Variants in CES5A observed in about 807,000 individuals in gnomAD.
CES5A encodes the protein carboxylesterase 5A.
Under a neutral mutation model 62.9 loss-of-function variants are expected in CES5A, and 67 were observed. The observed-to-expected ratio is 1.07, with a 90% CI of 0.88 to 1.31. The LOEUF (loss-of-function observed/expected upper bound fraction) is 1.31. CES5A is among the 50% of genes most tolerant of loss of function. CES5A has a pLI of 0.00. For synonymous variants in CES5A, 296 were observed against 280.8 expected (o/e 1.05, Z -0.54); for missense variants, 748 against 708.5 (o/e 1.06, Z -0.63).
chr16:55,930,712 T>C (rs1597154701), intron 2 of CES5A, among the ~76,000 whole-genome samples: 1 of 152,320 alleles, frequency 6.6e-6, no homozygotes, highest in East Asian at 1.9e-4. Context: ...CGGTTGTAAT[T>C]TTACATTGTT....
At chr16:55,889,462 C>G (rs190404520) in intron 1 of CES5A, among the ~76,000 whole-genome samples, 6 of 152,236 alleles carry the variant, frequency 3.9e-5, no homozygotes, top group Admixed American at 3.9e-4. Flanking sequence ...TCACAGAACT[C>G]AAGTCAACAC....
intron 2 of CES5A, among the ~76,000 whole-genome samples, chr16:55,936,738 A>G (rs2034379921): frequency 6.6e-6 from 1 of 152,180 alleles, no homozygotes; most frequent in South Asian, 2.1e-4. Context: ...AATAGTTTTT[A>G]TTTTAGGTGA....
intron 1 of CES5A, among the ~76,000 whole-genome samples, chr16:55,885,390 G>A (rs1423544268): frequency 6.6e-6 from 1 of 152,182 alleles, no homozygotes; most frequent in South Asian, 2.1e-4. Flanking sequence ...GTGCAAAGGA[G>A]CTGACATCAA....
chr16:55,937,365 C>G (rs1482682513), intron 2 of CES5A, among the ~76,000 whole-genome samples: 1 of 152,210 alleles, frequency 6.6e-6, no homozygotes, highest in Non-Finnish European at 1.5e-5. Context: ...AAGGCCTTCT[C>G]AGCACCAACC....
chr16:55,922,654 GCAAA>G (rs1364796855), intron 1 of CES5A, among the ~76,000 whole-genome samples: 3 of 151,742 alleles, frequency 2.0e-5, no homozygotes, highest in Admixed American at 1.3e-4. Flanking sequence ...CAGAAAATCA[GCAAA>G]CACTGGAGTT....
rs149647356 is a variant in CES5A, at chr16:55,866,038, G to A, written c.630C>T (p.Ile210=). The A allele has an allele frequency of 7.9e-5, 127 of 1,614,010 alleles. No individual in the cohort carries two copies. The highest frequency in any genetic ancestry group is 5.7e-4 in the South Asian group (52 of 91,064). The change falls in exon 5 of 13, where the codon ATC becomes ATT. Residue 210 remains isoleucine (I), a synonymous_variant. Transcript: ENST00000290567. ...VAALSWVQKN[I]EFFGGDPSSV... is the part of the protein sequence containing the mutation. ...AGCTGGGGTCCCCACCGAAGAACTCGATGTTCTTCTGGACCCAGGACAGAG... is the reference window on the plus strand; with the variant it reads ...AGCTGGGGTCCCCACCGAAGAACTCAATGTTCTTCTGGACCCAGGACAGAG...
At chr16:55,865,899 C>T (rs1168886368) in intron 5 of CES5A, 64 bp downstream of exon 5, 8 of 1,553,644 alleles carry the variant, frequency 5.1e-6, no homozygotes, top group African/African-American at 1.4e-5. Context: ...ATGTTAGTGA[C>T]TCATCATCAT....
intron 1 of CES5A, among the ~76,000 whole-genome samples, chr16:55,914,879 G>T (rs955431577): frequency 1.3e-5 from 2 of 152,132 alleles, no homozygotes; most frequent in Non-Finnish European, 2.9e-5. Flanking sequence ...TTTTAGTTTT[G>T]ACCCTTGTGC....
At chr16:55,922,841 C>CT (rs1327274876) in intron 1 of CES5A, among the ~76,000 whole-genome samples, 1 of 151,538 alleles carries the variant, frequency 6.6e-6, no homozygotes, top group Non-Finnish European at 1.5e-5. Context: ...TATCAAGTAC[C>CT]TTTTTTGATG....
In CES5A at chr16:55,849,726, A is replaced by C. The variant is rs2033089825; in HGVS notation, c.1321T>G (p.Cys441Gly). 6.2e-7 allele frequency: 1 copy of C among 1,613,884 alleles called. No homozygotes were observed. Among genetic ancestry groups the C allele is most frequent in the African/African-American group, 1.3e-5 (1 of 74,938 alleles). The change falls in exon 11 of 13, where the codon TGC (cysteine) becomes GGC (glycine). Residue 441 changes from cysteine to glycine, a missense_variant. Coordinates refer to ENST00000290567, the MANE Select transcript of CES5A (RefSeq NM_001143685.2). The stretch of plus-strand genomic sequence containing the variant: ...AAAGCTGGCTTCGTGTCTTCAAAGC[A>C]CTGAGGCCGGTGCCGAAACTCATAG... ...YFYEFRHRPQCFEDTKPAFVK... is the reference protein window; with the variant it reads ...YFYEFRHRPQGFEDTKPAFVK...
At chr16:55,854,468 A>G (rs1374367901) in intron 9 of CES5A, among the ~76,000 whole-genome samples, 1 of 149,802 alleles carries the variant, frequency 6.7e-6, no homozygotes, top group African/African-American at 2.4e-5. Flanking sequence ...ATCATCAGAC[A>G]GCTGCAACTC....
At chr16:55,898,606 A>G (rs1349457412) in intron 1 of CES5A, among the ~76,000 whole-genome samples, 1 of 152,220 alleles carries the variant, frequency 6.6e-6, no homozygotes, top group East Asian at 1.9e-4. Flanking sequence ...CAGACCAGGA[A>G]ACTGAGACTC....
chr16:55,861,810 C>T (rs1258521551), intron 6 of CES5A, among the ~76,000 whole-genome samples: 1 of 152,180 alleles, frequency 6.6e-6, no homozygotes, highest in Non-Finnish European at 1.5e-5. Context: ...TTCCTGGTCA[C>T]AAAGAGATCA....
chr16:55,864,203 G>C (rs1597119552), intron 5 of CES5A, among the ~76,000 whole-genome samples: 1 of 152,120 alleles, frequency 6.6e-6, no homozygotes, highest in East Asian at 1.9e-4. Context: ...AATAATGGTT[G>C]TTATAATATA....
At chr16:55,864,835 G>A (rs149459401) in intron 5 of CES5A, among the ~76,000 whole-genome samples, 2 of 152,050 alleles carry the variant, frequency 1.3e-5, no homozygotes, top group East Asian at 1.9e-4. Context: ...CCTATGACCA[G>A]GAGTTTGGGC....
chr16:55,879,385 T>A (rs1353787049), upstream of CES5A, among the ~76,000 whole-genome samples: 2 of 151,738 alleles, frequency 1.3e-5, no homozygotes, highest in Non-Finnish European at 2.9e-5. Flanking sequence ...GCCCTACCAC[T>A]GAACTCTCAC....
chr16:55,882,765 G>A (rs1309667478), intron 1 of CES5A, among the ~76,000 whole-genome samples: 2 of 152,202 alleles, frequency 1.3e-5, no homozygotes, highest in African/African-American at 4.8e-5. Flanking sequence ...TTCTGCCCAT[G>A]GGATTCCTAA....
chr16:55,942,303 G>A (rs1354225853), intron 2 of CES5A, among the ~76,000 whole-genome samples: 2 of 152,102 alleles, frequency 1.3e-5, no homozygotes, highest in African/African-American at 4.8e-5. Context: ...ATGGGGAGAG[G>A]TTTTTGCCAC....
At chr16:55,937,672 G>C (rs1395551014) in intron 2 of CES5A, among the ~76,000 whole-genome samples, 1 of 152,234 alleles carries the variant, frequency 6.6e-6, no homozygotes, top group Non-Finnish European at 1.5e-5. Flanking sequence ...ATGTAGGAAA[G>C]TTGTGAGTCT....
Sources: gnomAD v4.1 joint callset for allele counts (sites outside exome capture counted in the v4.1 genomes callset) on GRCh38, gnomAD v4.1.1 for gene constraint, MANE v1.5 for transcripts, NCBI Gene and HGNC (gene_info 2026-07-23, HGNC 2026-07-21) for gene names.